DLGAP2: variants seen among roughly 807,000 people sequenced by gnomAD.
DLGAP2 encodes the protein disks large-associated protein 2.
DLGAP2 carries 26 observed loss-of-function variants against 100.3 expected under a neutral mutation model. That is an observed-to-expected ratio of 0.26 (90% CI 0.19 to 0.36). The LOEUF (loss-of-function observed/expected upper bound fraction) is 0.36, where lower values mean the gene tolerates loss of function less well. DLGAP2 is among the 10% of genes least tolerant of loss of function. DLGAP2 has a pLI of 1.00. For missense variants in DLGAP2, 1,858 were observed against 1,453.2 expected (o/e 1.28, Z -4.53); for synonymous variants, 886 against 630.1 (o/e 1.41, Z -6.08).
At chr8:1,067,956 C>T (rs1803309814) in intron 2 of DLGAP2, among the ~76,000 whole-genome samples, 1 of 152,148 alleles carries the variant, frequency 6.6e-6, no homozygotes, top group African/African-American at 2.4e-5. Flanking sequence ...GCTCCGCCCA[C>T]TCCTCCCTCC....
At chr8:1,638,309 G>A (rs190209308) in intron 8 of DLGAP2, among the ~76,000 whole-genome samples, 69 of 152,238 alleles carry the variant, frequency 4.5e-4, no homozygotes, top group African/African-American at 1.5e-3. Context: ...TCTGTCCGGT[G>A]TCCTTATAAG....
At position 1,702,592 on chromosome 8, in the gene DLGAP2, C is replaced by T. The variant is rs1202119952; in HGVS notation, c.*1186C>T. ...TAGACATGAAGGGAAAAAGAGGTCA[C>T]ATATTGTGATTTCCAGCTGTAGCAT... is the stretch of plus-strand genomic sequence containing the variant. On this transcript the variant is annotated 3_prime_UTR_variant, in exon 15 of 15. Transcript: ENST00000637795. 6.6e-6 allele frequency: 1 copy of T among 150,408 alleles called. No individual in the cohort carries two copies. The highest frequency in any genetic ancestry group is 1.5e-5 in the Non-Finnish European group (1 of 67,514). 9.3% of individuals were successfully genotyped at this position (150,408 alleles called of 1,614,324 possible).
intron 1 of DLGAP2, among the ~76,000 whole-genome samples, chr8:850,705 A>G (rs946291260): frequency 3.3e-5 from 5 of 152,212 alleles, no homozygotes; most frequent in Non-Finnish European, 2.9e-5. Context: ...GAATTATTTT[A>G]TAATAGCATG....
chr8:1,171,584 A>G (rs185187743), intron 2 of DLGAP2, among the ~76,000 whole-genome samples: 215 of 152,260 alleles, frequency 1.4e-3, no homozygotes, highest in African/African-American at 4.8e-3. Context: ...GGGTGCATAT[A>G]TATTTAGGAT....
chr8:1,419,204 G>A (rs1325027002), intron 3 of DLGAP2, among the ~76,000 whole-genome samples: 695 of 34,398 alleles, frequency 0.02, 24 homozygotes, highest in African/African-American at 0.048. Context: ...TCTGATGCGT[G>A]CGTGTGTGTG....
At chr8:1,462,028 G>A (rs1480089574) in intron 3 of DLGAP2, among the ~76,000 whole-genome samples, 147 of 49,532 alleles carry the variant, frequency 3.0e-3, no homozygotes, top group East Asian at 0.019. Context: ...GGGTGCAGTC[G>A]CTGATTTGGT....
intron 6 of DLGAP2, among the ~76,000 whole-genome samples, chr8:1,595,848 C>A (rs1796440996): frequency 6.6e-6 from 1 of 151,130 alleles, no homozygotes; most frequent in Admixed American, 6.6e-5. Flanking sequence ...GTATTTTATT[C>A]TTTTTTTAAT....
intron 6 of DLGAP2, among the ~76,000 whole-genome samples, chr8:1,594,957 G>A (rs573937772): frequency 6.6e-6 from 1 of 152,078 alleles, no homozygotes; most frequent in Non-Finnish European, 1.5e-5. Context: ...CCATCGTGGG[G>A]TCACTCCACT....
At chr8:1,303,254 G>A (rs903240766) in intron 3 of DLGAP2, among the ~76,000 whole-genome samples, 3 of 152,076 alleles carry the variant, frequency 2.0e-5, no homozygotes, top group South Asian at 2.1e-4. Flanking sequence ...AAAACTAGCC[G>A]GGCGTGGTGG....
chr8:1,354,520 A>C (rs183587228), intron 3 of DLGAP2, among the ~76,000 whole-genome samples: 101 of 152,356 alleles, frequency 6.6e-4, no homozygotes, highest in African/African-American at 1.9e-3. Flanking sequence ...CTCAGAAAAA[A>C]AGAAAGAACG....
chr8:1,476,781 C>T (rs1329132785), intron 3 of DLGAP2, among the ~76,000 whole-genome samples: 3 of 151,042 alleles, frequency 2.0e-5, no homozygotes, highest in African/African-American at 7.3e-5. Context: ...CGGCCACCCA[C>T]CAGCCCCTTC....
At chr8:1,325,265 G>A (rs770927781) in intron 3 of DLGAP2, among the ~76,000 whole-genome samples, 1 of 152,178 alleles carries the variant, frequency 6.6e-6, no homozygotes, top group Non-Finnish European at 1.5e-5. Context: ...TGAGATGTCC[G>A]ATGGTCTCAC....
intron 1 of DLGAP2, among the ~76,000 whole-genome samples, chr8:806,272 A>G (rs956549235): frequency 1.6e-4 from 24 of 152,186 alleles, no homozygotes; most frequent in Non-Finnish European, 3.1e-4. Context: ...GAGGCCTCAC[A>G]GTTGTCATGG....
chr8:1,333,499 C>G (rs1801204270), intron 3 of DLGAP2, among the ~76,000 whole-genome samples: 1 of 152,140 alleles, frequency 6.6e-6, no homozygotes, highest in Non-Finnish European at 1.5e-5. Flanking sequence ...AGCTCTTCCA[C>G]AGACAGGGGT....
intron 3 of DLGAP2, among the ~76,000 whole-genome samples, chr8:1,359,634 C>T (rs978660174): frequency 6.6e-6 from 1 of 152,214 alleles, no homozygotes; most frequent in Non-Finnish European, 1.5e-5. Context: ...GGCGGCTGTC[C>T]CTGTGGGTGA....
At chr8:1,215,396 G>T (rs1332113518) in intron 2 of DLGAP2, among the ~76,000 whole-genome samples, 1 of 152,176 alleles carries the variant, frequency 6.6e-6, no homozygotes, top group Non-Finnish European at 1.5e-5. Flanking sequence ...GTACCCTGAT[G>T]GGTTCATTAG....
intron 2 of DLGAP2, among the ~76,000 whole-genome samples, chr8:951,380 G>A (rs761367361): frequency 2.0e-5 from 3 of 152,050 alleles, no homozygotes; most frequent in Non-Finnish European, 4.4e-5. Context: ...AAGTAGCCAG[G>A]ATTACAGGCA....
At position 1,517,822 on chromosome 8, in the gene DLGAP2, A is replaced by G. The variant is rs1800445632; in HGVS notation, c.172+16391A>G. 2.0e-5 allele frequency among the ~76,000 whole-genome samples: 3 copies of G among 152,330 alleles called. No individual in the cohort carries two copies. In the South Asian group the frequency reaches 6.2e-4, roughly 32 times the overall value. The stretch of plus-strand genomic sequence containing the variant: ...CACAAATGTGTGTTTATTTTCCAAA[A>G]ACAAGACATTGGCATGATAGTGTGG... On this transcript the variant is annotated intron_variant, in intron 4 of 14. Coordinates refer to ENST00000637795, the MANE Select transcript of DLGAP2 (RefSeq NM_001346810.2).
chr8:1,099,750 A>G (rs898533002), intron 2 of DLGAP2, among the ~76,000 whole-genome samples: 1 of 152,248 alleles, frequency 6.6e-6, no homozygotes, highest in African/African-American at 2.4e-5. Context: ...ATTAGTGTGT[A>G]CAGTATTTAG....
Sources: gnomAD v4.1 joint callset for allele counts (sites outside exome capture counted in the v4.1 genomes callset) on GRCh38, gnomAD v4.1.1 for gene constraint, MANE v1.5 for transcripts, NCBI Gene and HGNC (gene_info 2026-07-23, HGNC 2026-07-21) for gene names.